Variants in LRP1B observed in about 807,000 individuals in gnomAD.
The protein encoded by LRP1B is low-density lipoprotein receptor-related protein 1B.
A neutral mutation model predicts 556.6 loss-of-function variants in LRP1B; 217 were observed. The ratio of observed to expected loss-of-function variants is 0.39; its 90% CI spans 0.35 to 0.44. The LOEUF (loss-of-function observed/expected upper bound fraction) is 0.44. Among genes scored for constraint, LRP1B ranks in the 20% least tolerant of loss-of-function variants. LRP1B has a pLI of 1.00. For synonymous variants in LRP1B, 2,047 were observed against 1,865.8 expected (o/e 1.10, Z -2.50); for missense variants, 5,053 against 5,620.8 (o/e 0.90, Z 3.23).
chr2:141,057,392 C>T (rs572023617), intron 9 of LRP1B, among the ~76,000 whole-genome samples: 10 of 151,970 alleles, frequency 6.6e-5, no homozygotes, highest in African/African-American at 2.4e-4. Flanking sequence ...GACATGTTCT[C>T]TCCTCATGGC....
intron 88 of LRP1B, among the ~76,000 whole-genome samples, chr2:140,238,930 T>C (rs1680829578): frequency 6.6e-6 from 1 of 150,922 alleles, no homozygotes; most frequent in Non-Finnish European, 1.5e-5. Context: ...TGAGCACACA[T>C]GGCTCTTGTC....
At chr2:140,444,723 C>T in intron 63 of LRP1B, 44 bp from the exon 64 acceptor site, 2 of 1,155,730 alleles carry the variant, frequency 1.7e-6, no homozygotes, top group Non-Finnish European at 2.6e-6. Flanking sequence ...AATCTTACCT[C>T]ACAACTTCTT....
At chr2:141,928,524 A>G (rs1333892547) in intron 1 of LRP1B, among the ~76,000 whole-genome samples, 1 of 152,140 alleles carries the variant, frequency 6.6e-6, no homozygotes, top group East Asian at 1.9e-4. Flanking sequence ...TTTCAAAGGT[A>G]CATTCAAAAT....
chr2:140,458,205 T>C (rs144150322), intron 60 of LRP1B, among the ~76,000 whole-genome samples: 42 of 152,254 alleles, frequency 2.8e-4, no homozygotes, highest in African/African-American at 9.9e-4. Context: ...TTATGAGCAC[T>C]TTTACTTGCA....
intron 6 of LRP1B, among the ~76,000 whole-genome samples, chr2:141,225,764 A>C (rs1354960001): frequency 2.0e-5 from 3 of 152,120 alleles, no homozygotes; most frequent in African/African-American, 7.2e-5. Context: ...ATTATCATTC[A>C]TCTTGATTCT....
intron 2 of LRP1B, among the ~76,000 whole-genome samples, chr2:141,688,586 A>T (rs1691397528): frequency 6.6e-6 from 1 of 151,912 alleles, no homozygotes; most frequent in Admixed American, 6.6e-5. Flanking sequence ...ACCTCATTTT[A>T]TAACTAAAGA....
At chr2:141,869,618 C>T (rs1698520181) in intron 1 of LRP1B, among the ~76,000 whole-genome samples, 1 of 152,090 alleles carries the variant, frequency 6.6e-6, no homozygotes, top group Non-Finnish European at 1.5e-5. Context: ...TTCCAATTCT[C>T]ACCCAAATGT....
At chr2:140,679,829 T>C (rs1052027786) in intron 41 of LRP1B, among the ~76,000 whole-genome samples, 2 of 152,144 alleles carry the variant, frequency 1.3e-5, no homozygotes, top group African/African-American at 4.8e-5. Context: ...ACACACAGCC[T>C]GTGGGCCACA....
intron 43 of LRP1B, among the ~76,000 whole-genome samples, chr2:140,558,486 GC>G (rs1160741389): frequency 6.6e-6 from 1 of 152,052 alleles, no homozygotes; most frequent in Non-Finnish European, 1.5e-5. Context: ...AATTAAAGAA[GC>G]TAATCAGAAA....
chr2:140,321,875 G>A (rs2105052646), intron 82 of LRP1B, 88 bp downstream of exon 82: 2 of 1,316,676 alleles, frequency 1.5e-6, no homozygotes, highest in South Asian at 1.3e-5. Context: ...ACTGATGATG[G>A]AACAGATAAT....
chr2:140,473,548 A>G (rs1314448820), intron 60 of LRP1B, among the ~76,000 whole-genome samples: 1 of 151,954 alleles, frequency 6.6e-6, no homozygotes, highest in Non-Finnish European at 1.5e-5. Flanking sequence ...TATAAGTGAC[A>G]TGATTTTTTA....
chr2:140,437,708 A>AATAG (rs1451146411), intron 66 of LRP1B, among the ~76,000 whole-genome samples: 2 of 152,230 alleles, frequency 1.3e-5, no homozygotes. Flanking sequence ...ATCTACATAG[A>AATAG]ATAGATAGAT....
At chr2:141,307,466 T>C (rs192800335) in intron 3 of LRP1B, among the ~76,000 whole-genome samples, 26 of 152,296 alleles carry the variant, frequency 1.7e-4, no homozygotes, top group South Asian at 4.1e-4. Flanking sequence ...GAATATCCTT[T>C]TTTTATCCGT....
intron 18 of LRP1B, among the ~76,000 whole-genome samples, chr2:140,972,854 T>A (rs1696473286): frequency 6.6e-6 from 1 of 151,046 alleles, no homozygotes; most frequent in Non-Finnish European, 1.5e-5. Flanking sequence ...AGAACAATAG[T>A]TTGTCAGTAT....
chr2:140,572,121 A>G (rs1273174407), intron 43 of LRP1B, among the ~76,000 whole-genome samples: 1 of 151,862 alleles, frequency 6.6e-6, no homozygotes, highest in Non-Finnish European at 1.5e-5. Flanking sequence ...AAACAGAGAC[A>G]ACATAAGCAA....
chr2:141,579,158 T>C (rs1209354209), intron 2 of LRP1B, among the ~76,000 whole-genome samples: 1 of 152,184 alleles, frequency 6.6e-6, no homozygotes, highest in Non-Finnish European at 1.5e-5. Context: ...TCTTTCTAAA[T>C]GCAGCTGTAA....
chr2:140,290,830 T>G (rs1409807193), intron 84 of LRP1B, among the ~76,000 whole-genome samples: 1 of 152,006 alleles, frequency 6.6e-6, no homozygotes, highest in African/African-American at 2.4e-5. Flanking sequence ...CGCAGCATGG[T>G]GGGCAGGATA....
At chr2:140,270,171 T>G in intron 86 of LRP1B, 71 bp downstream of exon 86, 1 of 1,074,748 alleles carries the variant, frequency 9.3e-7, no homozygotes, top group Non-Finnish European at 1.4e-6. Context: ...AAAAGGAGAA[T>G]AATAGAACAG....
chr2:142,040,578 G>A (rs924719765), intron 1 of LRP1B, among the ~76,000 whole-genome samples: 4 of 149,252 alleles, frequency 2.7e-5, no homozygotes, highest in South Asian at 2.1e-4. Flanking sequence ...AAAAGTACAC[G>A]GTTTTAAATG....
Sources: gnomAD v4.1 joint callset for allele counts (sites outside exome capture counted in the v4.1 genomes callset) on GRCh38, gnomAD v4.1.1 for gene constraint, MANE v1.5 for transcripts, NCBI Gene and HGNC (gene_info 2026-07-23, HGNC 2026-07-21) for gene names.